Variants in DTNB observed in about 807,000 individuals in gnomAD.
DTNB encodes DTN-B.
Under a neutral mutation model 90.7 loss-of-function variants are expected in DTNB, and 63 were observed. The observed-to-expected ratio is 0.69, with a 90% CI of 0.57 to 0.86. The LOEUF is 0.86. Ranked by LOEUF, DTNB falls within the 40% of genes least tolerant of loss-of-function variation. The pLI is 0.00. For missense variants in DTNB, 744 were observed against 807.1 expected (o/e 0.92, Z 0.95); for synonymous variants, 277 against 286.7 (o/e 0.97, Z 0.34).
At chr2:25,483,498 C>T (rs1325510879) in intron 9 of DTNB, among the ~76,000 whole-genome samples, 10 of 152,154 alleles carry the variant, frequency 6.6e-5, no homozygotes, top group Non-Finnish European at 1.5e-4. Flanking sequence ...AACAACAAAT[C>T]CAAATTTTAC....
intron 10 of DTNB, among the ~76,000 whole-genome samples, chr2:25,466,833 C>T (rs960959317): frequency 2.0e-5 from 3 of 152,040 alleles, no homozygotes; most frequent in Non-Finnish European, 4.4e-5. Context: ...AATTTTTTTC[C>T]GAACGCTGTT....
rs116212648 is a variant in DTNB at position 25,639,517 on chromosome 2, C to T, written c.68-423G>A. On this transcript the variant is annotated intron_variant, in intron 2 of 20. Coordinates refer to ENST00000406818, the MANE Select transcript of DTNB (RefSeq NM_021907.5). ...GCTGTGGCCATGCGGCGTGCCTCTG[C>T]ACATAAGTGTCCTCATTTGGGAAAT... 5.1e-3 allele frequency among the ~76,000 whole-genome samples: 774 copies of T among 151,532 alleles called. 5 individuals carry two copies. Among genetic ancestry groups the T allele is most frequent in the African/African-American group, 0.018 (729 of 41,272 alleles).
chr2:25,404,389 G>A (rs1002628887), intron 16 of DTNB, among the ~76,000 whole-genome samples: 6 of 152,110 alleles, frequency 3.9e-5, no homozygotes, highest in Admixed American at 6.6e-5. Flanking sequence ...CAAACCAGGC[G>A]GGGGAAAGTG....
chr2:25,487,237 G>A (rs1487984121), intron 9 of DTNB, among the ~76,000 whole-genome samples: 1 of 152,164 alleles, frequency 6.6e-6, no homozygotes, highest in Non-Finnish European at 1.5e-5. Flanking sequence ...ATGAAGTATG[G>A]TCAGTCCTCC....
Position 25,490,932 on chromosome 2 carries a change from T to A in DTNB, c.1002-8059A>T, listed in dbSNP as rs558630785. 7.2e-5 allele frequency among the ~76,000 whole-genome samples: 11 copies of A among 152,128 alleles called. No homozygotes were observed. In the South Asian group the frequency reaches 2.3e-3, roughly 32 times the overall value. ...AACATCTGGAGGCAATATGGTCAAA[T>A]GTTAAGATAAGTGGAATTATGGGAA... On this transcript the variant is annotated intron_variant, in intron 9 of 20. Coordinates refer to ENST00000406818, the MANE Select transcript of DTNB (RefSeq NM_021907.5).
intron 6 of DTNB, chr2:25,594,951 G>A (rs904757533): frequency 2.0e-5 from 3 of 152,220 alleles, no homozygotes; most frequent in African/African-American, 7.2e-5. Context: ...TATAGCAACA[G>A]AAAATCCTGG....
chr2:25,464,089 AG>A (rs1415712263), intron 10 of DTNB, among the ~76,000 whole-genome samples: 7 of 152,202 alleles, frequency 4.6e-5, no homozygotes, highest in African/African-American at 1.7e-4. Context: ...AATAATTTTT[AG>A]TAGAGTTGGG....
intron 1 of DTNB, among the ~76,000 whole-genome samples, chr2:25,667,970 T>C (rs1355885229): frequency 6.6e-6 from 1 of 152,214 alleles, no homozygotes; most frequent in East Asian, 1.9e-4. Flanking sequence ...CCGGACGCGG[T>C]GGCTCACGCA....
At chr2:25,381,215 G>C (rs974645145) in intron 19 of DTNB, among the ~76,000 whole-genome samples, 1 of 152,126 alleles carries the variant, frequency 6.6e-6, no homozygotes, top group Non-Finnish European at 1.5e-5. Flanking sequence ...GTGCGTGTGT[G>C]TGCGCGTGTT....
rs549303242 is a variant in DTNB, at chr2:25,384,564, C to T, written c.1826-675G>A. Reference sequence around the variant, plus strand: ...GTCAAGCAGGCTGGTAAGAGAAAACCATGTCACGTTTGGAAAGGTTGAAGG... The same window carrying T: ...GTCAAGCAGGCTGGTAAGAGAAAACTATGTCACGTTTGGAAAGGTTGAAGG... On this transcript the variant is annotated intron_variant, in intron 18 of 20. Coordinates refer to ENST00000406818, the MANE Select transcript of DTNB (RefSeq NM_021907.5). Among the ~76,000 whole-genome samples, 9 of 152,228 alleles carry T rather than the reference C, an allele frequency of 5.9e-5. No homozygotes were observed. The South Asian group carries it at 1.9e-3, about 32-fold the overall frequency.
intron 3 of DTNB, among the ~76,000 whole-genome samples, chr2:25,629,639 G>A (rs2075247232): frequency 6.6e-6 from 1 of 152,126 alleles, no homozygotes. Flanking sequence ...AAAAAGGGGG[G>A]AGGGCGGAGC....
intron 6 of DTNB, among the ~76,000 whole-genome samples, chr2:25,582,102 GA>G (rs532613882): frequency 1.1e-3 from 166 of 152,294 alleles, no homozygotes; most frequent in African/African-American, 3.8e-3. Flanking sequence ...TTCAAGGGGG[GA>G]AAAAAGGTAG....
At chr2:25,529,897 T>C (rs530750403) in intron 9 of DTNB, among the ~76,000 whole-genome samples, 3 of 152,062 alleles carry the variant, frequency 2.0e-5, no homozygotes, top group Admixed American at 1.3e-4. Flanking sequence ...TTTGACAACA[T>C]AAAAATAAGG....
At chr2:25,456,870 A>G (rs966366951) in intron 10 of DTNB, among the ~76,000 whole-genome samples, 10 of 151,302 alleles carry the variant, frequency 6.6e-5, no homozygotes, top group Non-Finnish European at 1.2e-4. Context: ...GCCCGGCCCC[A>G]GTCACCTTTC....
chr2:25,497,098 C>T (rs963138188), intron 9 of DTNB, among the ~76,000 whole-genome samples: 1 of 152,162 alleles, frequency 6.6e-6, no homozygotes, highest in Admixed American at 6.5e-5. Context: ...AATCACATGA[C>T]GAAGGGTCTT....
chr2:25,621,957 C>T (rs969546419), intron 4 of DTNB, among the ~76,000 whole-genome samples: 1 of 151,726 alleles, frequency 6.6e-6, no homozygotes, highest in Non-Finnish European at 1.5e-5. Flanking sequence ...GTGTTCAATA[C>T]CGTATTTTGT....
At chr2:25,550,408 C>A (rs1448769167) in intron 8 of DTNB, among the ~76,000 whole-genome samples, 1 of 151,706 alleles carries the variant, frequency 6.6e-6, no homozygotes, top group East Asian at 1.9e-4. Flanking sequence ...AAAACAAAAA[C>A]AAAACAAACA....
chr2:25,567,818 G>A (rs2059258502), intron 8 of DTNB, among the ~76,000 whole-genome samples: 1 of 152,206 alleles, frequency 6.6e-6, no homozygotes, highest in Non-Finnish European at 1.5e-5. Context: ...CTGAATGGAA[G>A]GCAGAGAAGG....
intron 9 of DTNB, among the ~76,000 whole-genome samples, chr2:25,509,746 CTTTTTTTT>C (rs36101268): frequency 2.4e-5 from 2 of 83,738 alleles, no homozygotes; most frequent in South Asian, 8.4e-4. Flanking sequence ...CTTTTAGATT[CTTTTTTTT>C]TTTTTTTTTT....
Sources: allele counts gnomAD v4.1 joint callset (sites outside exome capture counted in the v4.1 genomes callset), GRCh38; gene constraint gnomAD v4.1.1; transcripts MANE v1.5; gene names NCBI Gene and HGNC (gene_info 2026-07-23, HGNC 2026-07-21).